Variants in KAT6B observed in about 807,000 individuals in gnomAD.
The protein encoded by KAT6B is lysine acetyltransferase 6B, also known as histone acetyltransferase KAT6B.
Under a neutral mutation model 187.5 loss-of-function variants are expected in KAT6B, and 10 were observed. That is an observed-to-expected ratio of 0.05 (90% CI 0.03 to 0.09). The LOEUF (loss-of-function observed/expected upper bound fraction) is 0.09. Among genes scored for constraint, KAT6B ranks in the 10% least tolerant of loss-of-function variants. The pLI is 1.00. For synonymous variants in KAT6B, 861 were observed against 926.8 expected, an observed-to-expected ratio of 0.93 and a Z score of 1.29; for missense variants, 1,952 against 2,558.9, an observed-to-expected ratio of 0.76 and a Z score of 5.12.
chr10:74,991,257 AAT>A (rs1655140231), intron 13 of KAT6B, among the ~76,000 whole-genome samples: 1 of 152,220 alleles, frequency 6.6e-6, no homozygotes, highest in African/African-American at 2.4e-5. Context: ...ATATAAATTA[AAT>A]TTTATTGATA....
Position 74,995,980 on chromosome 10 carries a change from C to T in KAT6B, c.2629+6868C>T, listed in dbSNP as rs539563637. The stretch of plus-strand genomic sequence containing the variant: ...CAAAACCCGTTCTCCTGGGCTCTGA[C>T]CCAGGAGAGACCGAGGGAACACCAA... On this transcript the variant is annotated intron_variant, in intron 13 of 17. Coordinates refer to ENST00000287239, the MANE Select transcript of KAT6B (RefSeq NM_012330.4). Among the ~76,000 whole-genome samples, 21 of 152,246 alleles carry T rather than the reference C, an allele frequency of 1.4e-4. No individual in the cohort carries two copies. In the East Asian group the frequency reaches 2.9e-3, roughly 21 times the overall value.
At chr10:74,841,266 A>T (rs1841723996) in intron 2 of KAT6B, among the ~76,000 whole-genome samples, 2 of 152,186 alleles carry the variant, frequency 1.3e-5, no homozygotes, top group South Asian at 4.1e-4. Flanking sequence ...GAGAACAGTG[A>T]TGGACTTAGT....
At chr10:74,929,312 G>C (rs879303926) in intron 3 of KAT6B, among the ~76,000 whole-genome samples, 4 of 152,042 alleles carry the variant, frequency 2.6e-5, no homozygotes, top group Non-Finnish European at 4.4e-5. Flanking sequence ...CCTGAGTTCT[G>C]GCTAATGTTT....
intron 15 of KAT6B, 103 bp downstream of exon 15, chr10:75,021,388 A>C (rs949336412): frequency 1.8e-6 from 2 of 1,136,942 alleles, no homozygotes; most frequent in Non-Finnish European, 2.6e-6. Context: ...GGTTATGTAG[A>C]GATAGCATGT....
rs768197599 is a variant in KAT6B at position 74,970,012 on chromosome 10, T to C, written c.847-8T>C. ...GTCTCAATTAGTCTCTAATATGTTA[T>C]ATTACAGGATAATATGCTTTTTTGT... On this transcript the variant is annotated splice_polypyrimidine_tract_variant and splice_region_variant and intron_variant, in intron 5 of 17. Transcript: ENST00000287239. The C allele has an allele frequency of 1.9e-6, 3 of 1,593,382 alleles. No individual in the cohort carries two copies. The highest frequency in any genetic ancestry group is 2.6e-6 in the Non-Finnish European group (3 of 1,161,366).
Position 74,985,645 on chromosome 10 carries a change from GGAC to G in KAT6B, c.2535+406_2535+408del, listed in dbSNP as rs1306020263. 6.6e-5 allele frequency among the ~76,000 whole-genome samples: 10 copies of G among 152,248 alleles called. No homozygotes were observed. The South Asian group carries it at 1.2e-3, about 19-fold the overall frequency. On this transcript the variant is annotated intron_variant, in intron 12 of 17. Coordinates refer to ENST00000287239, the MANE Select transcript of KAT6B (RefSeq NM_012330.4). ...TGGTCAACAGTATCTCAGTGAGTTA[GGAC>G]GCTGGCATTTGGACAGTCAAGCTGA...
At chr10:74,985,323 C>A in intron 12 of KAT6B, 82 bp downstream of exon 12, 1 of 1,300,096 alleles carries the variant, frequency 7.7e-7, no homozygotes, top group Non-Finnish European at 1.1e-6. Context: ...AGGGCTTTTT[C>A]ATTACTATAA....
intron 3 of KAT6B, among the ~76,000 whole-genome samples, chr10:74,946,049 G>A (rs1289972350): frequency 2.6e-5 from 4 of 152,078 alleles, no homozygotes; most frequent in African/African-American, 2.4e-5. Context: ...ATAATTCACC[G>A]CTAAAGTCAT....
intron 3 of KAT6B, among the ~76,000 whole-genome samples, chr10:74,880,825 A>G (rs1844795557): frequency 6.6e-6 from 1 of 152,154 alleles, no homozygotes; most frequent in Admixed American, 6.5e-5. Flanking sequence ...CATGTTGGCC[A>G]GGCTGGTCTC....
chr10:75,015,840 A>G (rs923474819), intron 13 of KAT6B, among the ~76,000 whole-genome samples: 1 of 152,222 alleles, frequency 6.6e-6, no homozygotes, highest in African/African-American at 2.4e-5. Context: ...GGGAGTGAGT[A>G]GCTTGCCAAA....
intron 3 of KAT6B, among the ~76,000 whole-genome samples, chr10:74,944,020 A>ATAT (rs1849902546): frequency 6.6e-6 from 1 of 152,238 alleles, no homozygotes; most frequent in Non-Finnish European, 1.5e-5. Context: ...CTACGGATAA[A>ATAT]GCTCAGGTAT....
intron 13 of KAT6B, among the ~76,000 whole-genome samples, chr10:75,000,190 T>C (rs1246413411): frequency 6.6e-6 from 1 of 151,702 alleles, no homozygotes; most frequent in East Asian, 1.9e-4. Context: ...TTTCTTTTTT[T>C]AAAACAAAGC....
chr10:74,942,160 A>G (rs1849716902), intron 3 of KAT6B, among the ~76,000 whole-genome samples: 1 of 152,200 alleles, frequency 6.6e-6, no homozygotes, highest in Non-Finnish European at 1.5e-5. Flanking sequence ...AAGAAATAAA[A>G]TAAAAACGAA....
chr10:74,953,969 A>G (rs756081511), intron 3 of KAT6B, among the ~76,000 whole-genome samples: 32 of 152,338 alleles, frequency 2.1e-4, no homozygotes, highest in Non-Finnish European at 4.0e-4. Context: ...TTTGAGATCA[A>G]AGGTCTTGAA....
At chr10:74,835,999 A>G (rs1589440198) in intron 1 of KAT6B, among the ~76,000 whole-genome samples, 1 of 151,902 alleles carries the variant, frequency 6.6e-6, no homozygotes, top group East Asian at 1.9e-4. Flanking sequence ...TGTCCCTGAG[A>G]CTCCACCAAT....
intron 4 of KAT6B, among the ~76,000 whole-genome samples, chr10:74,960,595 G>A (rs932108623): frequency 1.3e-5 from 2 of 151,546 alleles, no homozygotes; most frequent in Non-Finnish European, 2.9e-5. Context: ...GAACACCATA[G>A]CTAATTCTTG....
At chr10:74,982,434 AC>A (rs1263732935) in intron 11 of KAT6B, 5 of 160,804 alleles carry the variant, frequency 3.1e-5, no homozygotes, top group African/African-American at 1.2e-4. Flanking sequence ...GTAGATGGCC[AC>A]CCCTGAAGAA....
In KAT6B at chr10:74,981,889, A is replaced by G. The variant is rs148764558; in HGVS notation, c.2334A>G (p.Ala778=). The change falls in exon 11 of 18, where the codon GCA becomes GCG. Residue 778 remains alanine, a synonymous_variant. Transcript: ENST00000287239. ...AGTGTGGATGGTTTCATCCTCCAGC[A>G]AATGAAATTTACCGAAGGAAAGACC... is the stretch of plus-strand genomic sequence containing the variant. ...SKKCGWFHPP[A]NEIYRRKDLS... The G allele has an allele frequency of 6.2e-7, 1 of 1,613,680 alleles. No individual in the cohort carries two copies. Among genetic ancestry groups the G allele is most frequent in the African/African-American group, 1.3e-5 (1 of 74,934 alleles).
At chr10:74,881,654 G>A (rs927348156) in intron 3 of KAT6B, among the ~76,000 whole-genome samples, 2 of 152,048 alleles carry the variant, frequency 1.3e-5, no homozygotes, top group Non-Finnish European at 2.9e-5. Context: ...CACAGATGGC[G>A]GTGGAGATTG....
Sources: gnomAD v4.1 joint callset for allele counts (sites outside exome capture counted in the v4.1 genomes callset) on GRCh38, gnomAD v4.1.1 for gene constraint, MANE v1.5 for transcripts, NCBI Gene and HGNC (gene_info 2026-07-23, HGNC 2026-07-21) for gene names.